MED26: variants seen among roughly 807,000 people sequenced by gnomAD.
MED26 encodes the protein mediator of RNA polymerase II transcription subunit 26.
In MED26, 7 loss-of-function variants were observed where a neutral mutation model predicts 43.7. The ratio of observed to expected loss-of-function variants is 0.16; its 90% CI spans 0.09 to 0.30. The LOEUF (loss-of-function observed/expected upper bound fraction) is 0.30. Ranked by LOEUF, MED26 falls within the 10% of genes least tolerant of loss-of-function variation. The probability of loss-of-function intolerance (pLI) is 1.00; values close to 1 mark genes in which losing one functional copy is unlikely to be tolerated. For synonymous variants in MED26, 375 were observed against 371.1 expected (o/e 1.01, Z -0.12); for missense variants, 784 against 840.6 (o/e 0.93, Z 0.83).
chr19:16,594,219 C>T (rs1392573110), intron 1 of MED26, among the ~76,000 whole-genome samples: 1 of 152,218 alleles, frequency 6.6e-6, no homozygotes, highest in Non-Finnish European at 1.5e-5. Flanking sequence ...ACAGTGAGGG[C>T]ACACTCAAGG....
intron 1 of MED26, among the ~76,000 whole-genome samples, chr19:16,605,453 C>T (rs1446437543): frequency 6.6e-6 from 1 of 152,192 alleles, no homozygotes; most frequent in African/African-American, 2.4e-5. Context: ...GGTGAATGAA[C>T]AACGCCCATG....
intron 1 of MED26, among the ~76,000 whole-genome samples, chr19:16,584,197 G>A (rs986514561): frequency 6.6e-5 from 10 of 151,076 alleles, no homozygotes; most frequent in African/African-American, 1.2e-4. Context: ...AGGTTGCAAT[G>A]AGCTGAGATC....
chr19:16,612,891 C>G (rs1368737845), intron 1 of MED26, among the ~76,000 whole-genome samples: 1 of 152,150 alleles, frequency 6.6e-6, no homozygotes, highest in Non-Finnish European at 1.5e-5. Context: ...TGTAACTGCT[C>G]CTTGCTGACA....
intron 1 of MED26, among the ~76,000 whole-genome samples, chr19:16,614,101 G>C (rs1012871071): frequency 1.3e-5 from 2 of 152,186 alleles, no homozygotes; most frequent in Admixed American, 6.5e-5. Flanking sequence ...CCAGGTGATG[G>C]CAACACCAGC....
At chr19:16,614,285 T>C (rs1012406577) in intron 1 of MED26, among the ~76,000 whole-genome samples, 4 of 152,136 alleles carry the variant, frequency 2.6e-5, no homozygotes, top group African/African-American at 9.7e-5. Context: ...TCCAGCACTC[T>C]GGGAGGCCGA....
At chr19:16,615,090 G>T (rs1022751417) in intron 1 of MED26, among the ~76,000 whole-genome samples, 3 of 152,006 alleles carry the variant, frequency 2.0e-5, no homozygotes, top group East Asian at 3.9e-4. Context: ...GAATGGGGGT[G>T]GGGGAAATGA....
At chr19:16,604,955 C>G (rs2086165741) in intron 1 of MED26, among the ~76,000 whole-genome samples, 1 of 152,168 alleles carries the variant, frequency 6.6e-6, no homozygotes, top group African/African-American at 2.4e-5. Flanking sequence ...GTAAGAAAAT[C>G]AGTACCTACC....
intron 1 of MED26, chr19:16,597,313 C>T (rs997291105): frequency 2.0e-5 from 8 of 397,878 alleles, no homozygotes; most frequent in Non-Finnish European, 3.5e-5. Context: ...AGTGCAGGAC[C>T]CATTCAGGGC....
intron 1 of MED26, among the ~76,000 whole-genome samples, chr19:16,583,514 G>C (rs2086055808): frequency 6.6e-6 from 1 of 152,134 alleles, no homozygotes; most frequent in Admixed American, 6.5e-5. Flanking sequence ...GGGTGGGGGT[G>C]GGGGGTGTCG....
chr19:16,614,307 C>A (rs906702265), intron 1 of MED26, among the ~76,000 whole-genome samples: 1 of 152,108 alleles, frequency 6.6e-6, no homozygotes, highest in Non-Finnish European at 1.5e-5. Context: ...GCAGGCAGAT[C>A]GCTTGAGCTC....
At position 16,576,032 on chromosome 19, in the gene MED26, C is replaced by T; in HGVS notation, c.1798G>A (p.Asp600Asn). Reference sequence around the variant, plus strand: ...CTTTGTGGCTGACAGGCCGGTCAGTCCAAGCAGACATAAGGCAGAATGTTC... The same window carrying T: ...CTTTGTGGCTGACAGGCCGGTCAGTTCAAGCAGACATAAGGCAGAATGTTC... ...RLNILPYVCLD is the reference protein window; with the variant it reads ...RLNILPYVCLN Residue 600 changes from aspartate to asparagine, a missense_variant, in exon 3 of 3, where the codon GAC (aspartate) becomes AAC (asparagine). Transcript: ENST00000263390. This position sits in a 1 kb window ranked among gnomAD's most constrained non-coding sequence, Gnocchi z 6.8. 6.2e-7 allele frequency: 1 copy of T among 1,611,488 alleles called. No homozygotes were observed. Among genetic ancestry groups the T allele is most frequent in the Non-Finnish European group, 8.5e-7 (1 of 1,178,644 alleles).
At chr19:16,595,125 C>A (rs777303981) in intron 1 of MED26, among the ~76,000 whole-genome samples, 2 of 152,170 alleles carry the variant, frequency 1.3e-5, no homozygotes, top group Non-Finnish European at 2.9e-5. Context: ...GGCAGCACCC[C>A]CCATGTAGGA....
At chr19:16,578,131 T>C (rs899133985) in intron 2 of MED26, 6 of 604,038 alleles carry the variant, frequency 9.9e-6, no homozygotes, top group South Asian at 6.1e-5. Context: ...GTGCTGGGCA[T>C]GTAGGATGGG....
At chr19:16,605,190 A>G (rs1333774259) in intron 1 of MED26, among the ~76,000 whole-genome samples, 3 of 152,282 alleles carry the variant, frequency 2.0e-5, no homozygotes, top group African/African-American at 4.8e-5. Flanking sequence ...CAAGACAGAC[A>G]TAACTGTTTA....
intron 2 of MED26, chr19:16,578,033 C>G: frequency 2.0e-6 from 1 of 499,704 alleles, no homozygotes; most frequent in South Asian, 2.5e-5. Flanking sequence ...ACAGAGGGTC[C>G]GCTTCAAGTG....
intron 1 of MED26, among the ~76,000 whole-genome samples, chr19:16,609,213 G>T (rs943052293): frequency 3.3e-5 from 5 of 149,824 alleles, no homozygotes; most frequent in Non-Finnish European, 7.4e-5. Flanking sequence ...TGCTTAGGGG[G>T]CAGCATGAGA....
At chr19:16,578,706 A>G in intron 1 of MED26, 1 of 387,036 alleles carries the variant, frequency 2.6e-6, no homozygotes. Context: ...CTGTGGAACA[A>G]GAGCTGCTCC....
chr19:16,615,245 G>C, intron 1 of MED26, among the ~76,000 whole-genome samples: 1 of 152,138 alleles, frequency 6.6e-6, no homozygotes, highest in South Asian at 2.1e-4. Flanking sequence ...GTGATCAGGT[G>C]GGGTGCACAA....
At chr19:16,607,909 G>A (rs2086181592) in intron 1 of MED26, among the ~76,000 whole-genome samples, 1 of 152,234 alleles carries the variant, frequency 6.6e-6, no homozygotes, top group African/African-American at 2.4e-5. Flanking sequence ...CCAATGAGGG[G>A]TGCTAGACAG....
Sources: gnomAD v4.1 joint callset for allele counts (sites outside exome capture counted in the v4.1 genomes callset) on GRCh38, gnomAD v4.1.1 for gene constraint, Gnocchi (gnomAD v3.1) non-coding constraint, MANE v1.5 for transcripts, NCBI Gene and HGNC (gene_info 2026-07-23, HGNC 2026-07-21) for gene names.